The following PCSK6 variants were observed in gnomAD, a reference collection of about 807,000 sequenced individuals.
The protein encoded by PCSK6 is paired basic amino acid cleaving enzyme 4.
In PCSK6, 85 loss-of-function variants were observed where a neutral mutation model predicts 123.3. That is an observed-to-expected ratio of 0.69 (90% CI 0.58 to 0.83). The LOEUF (loss-of-function observed/expected upper bound fraction) is 0.83. Among genes scored for constraint, PCSK6 ranks in the 40% least tolerant of loss-of-function variants. The pLI is 0.00. For missense variants in PCSK6, 1,191 were observed against 1,282.3 expected (o/e 0.93, Z 1.09); for synonymous variants, 508 against 516.0 (o/e 0.98, Z 0.21).
chr15:101,316,910 G>GTTTTCTTTTTTTTTTTTTT (rs2040002199), intron 19 of PCSK6, among the ~76,000 whole-genome samples: 1 of 114,970 alleles, frequency 8.7e-6, no homozygotes, highest in African/African-American at 3.9e-5. Flanking sequence ...ACTTAATTCT[G>GTTTTCTTTTTTTTTTTTTT]TTTTTTTTTT....
At chr15:101,437,060 C>T (rs1242782613) in intron 2 of PCSK6, among the ~76,000 whole-genome samples, 1 of 152,212 alleles carries the variant, frequency 6.6e-6, no homozygotes. Context: ...CCGGCATGAG[C>T]ATGATGTCTT....
At chr15:101,399,297 C>T (rs768755353) in intron 6 of PCSK6, among the ~76,000 whole-genome samples, 5 of 152,148 alleles carry the variant, frequency 3.3e-5, no homozygotes, top group Admixed American at 6.5e-5. Flanking sequence ...AATTCCACTC[C>T]GACGTATAAC....
intron 1 of PCSK6, among the ~76,000 whole-genome samples, chr15:101,449,518 G>A (rs751508412): frequency 3.3e-5 from 5 of 152,168 alleles, no homozygotes; most frequent in African/African-American, 4.8e-5. Context: ...TAGGTCCTTG[G>A]TTTTCCCACA....
In PCSK6 at chr15:101,346,733, C is replaced by T. The variant is rs2040739655; in HGVS notation, c.1859-14702G>A. 3 of 1,224,458 alleles carry T rather than the reference C, an allele frequency of 2.5e-6. No homozygotes were observed. In the African/African-American group the frequency reaches 4.7e-5, roughly 19 times the overall value. The allele number at this position is 1,224,458 out of a possible 1,614,324, so 75.8% of individuals were successfully genotyped here. On this transcript the variant is annotated intron_variant, in intron 13 of 21. Transcript: ENST00000611716. ...CCCTCTTCCTCAGATCTGTCATTTT[C>T]ATTTTCATCAATGTTTAGTATTTTA...
chr15:101,396,276 T>A (rs2042409626), intron 7 of PCSK6, among the ~76,000 whole-genome samples: 1 of 152,026 alleles, frequency 6.6e-6, no homozygotes, highest in African/African-American at 2.4e-5. Flanking sequence ...TGCTCAGAAT[T>A]CCGAATGCAA....
chr15:101,375,966 G>A (rs759145532), intron 11 of PCSK6, among the ~76,000 whole-genome samples: 3 of 152,192 alleles, frequency 2.0e-5, no homozygotes, highest in Non-Finnish European at 2.9e-5. Flanking sequence ...CCTGGGAGGT[G>A]GAGGTTGCAG....
At chr15:101,319,971 C>T (rs2040078514) in intron 18 of PCSK6, among the ~76,000 whole-genome samples, 2 of 152,160 alleles carry the variant, frequency 1.3e-5, no homozygotes, top group Admixed American at 1.3e-4. Flanking sequence ...CTCAGAAGCA[C>T]AGGCTACCAT....
intron 6 of PCSK6, among the ~76,000 whole-genome samples, chr15:101,403,416 T>C (rs2042666506): frequency 9.9e-6 from 1 of 100,780 alleles, no homozygotes; most frequent in Non-Finnish European, 2.3e-5. Context: ...AAACTTAAAG[T>C]ATAATAATAA....
chr15:101,362,853 C>T (rs2041274061), intron 13 of PCSK6, among the ~76,000 whole-genome samples: 1 of 152,250 alleles, frequency 6.6e-6, no homozygotes, highest in Admixed American at 6.5e-5. Flanking sequence ...CCACTGCACC[C>T]TGTGGTCCCC....
intron 1 of PCSK6, among the ~76,000 whole-genome samples, chr15:101,460,998 GAGA>G (rs1187090475): frequency 1.3e-5 from 2 of 152,010 alleles, no homozygotes; most frequent in Non-Finnish European, 2.9e-5. Context: ...AAAAAAAAAT[GAGA>G]AGAAGGTAAT....
intron 1 of PCSK6, among the ~76,000 whole-genome samples, chr15:101,487,151 G>C (rs1248748071): frequency 2.6e-5 from 4 of 152,204 alleles, no homozygotes; most frequent in Non-Finnish European, 4.4e-5. Context: ...TGCACTTAGA[G>C]GGGGGAAAGA....
At chr15:101,397,994 T>G (rs2042465985) in intron 7 of PCSK6, among the ~76,000 whole-genome samples, 1 of 152,200 alleles carries the variant, frequency 6.6e-6, no homozygotes, top group Non-Finnish European at 1.5e-5. Context: ...CCGCGATGAA[T>G]GCACAGAGTT....
chr15:101,479,760 C>T (rs2057825038), intron 1 of PCSK6, among the ~76,000 whole-genome samples: 1 of 152,178 alleles, frequency 6.6e-6, no homozygotes, highest in Admixed American at 6.5e-5. Context: ...CAACACGAGG[C>T]AGCCCCTCCC....
chr15:101,466,358 A>G (rs2141221020), intron 1 of PCSK6, among the ~76,000 whole-genome samples: 1 of 152,248 alleles, frequency 6.6e-6, no homozygotes, highest in Admixed American at 6.5e-5. Context: ...GCATCATCAC[A>G]AGTGCTGATG....
intron 6 of PCSK6, among the ~76,000 whole-genome samples, chr15:101,416,567 C>T (rs1567205314): frequency 6.6e-6 from 1 of 152,216 alleles, no homozygotes; most frequent in Non-Finnish European, 1.5e-5. Context: ...GAAAATGTCT[C>T]CAGGCCATGT....
At chr15:101,357,515 A>G (rs1250366692) in intron 13 of PCSK6, among the ~76,000 whole-genome samples, 1 of 152,220 alleles carries the variant, frequency 6.6e-6, no homozygotes. Flanking sequence ...AACAGGCACT[A>G]TCAGCTTGAC....
intron 9 of PCSK6, among the ~76,000 whole-genome samples, chr15:101,387,536 C>G (rs1231850639): frequency 6.6e-6 from 1 of 152,202 alleles, no homozygotes; most frequent in Non-Finnish European, 1.5e-5. Context: ...AATAAAATCA[C>G]AAATATAACC....
At chr15:101,436,915 G>A (rs971740547) in intron 2 of PCSK6, among the ~76,000 whole-genome samples, 37 of 152,188 alleles carry the variant, frequency 2.4e-4, no homozygotes, top group African/African-American at 7.5e-4. Context: ...AATGTGCAAC[G>A]TGGCCCTTCT....
chr15:101,354,998 C>T (rs1391246700), intron 13 of PCSK6, among the ~76,000 whole-genome samples: 1 of 152,184 alleles, frequency 6.6e-6, no homozygotes, highest in Non-Finnish European at 1.5e-5. Context: ...CTGGAGAACA[C>T]GTAGGTGCTA....
Sources: gnomAD v4.1 joint callset for allele counts (sites outside exome capture counted in the v4.1 genomes callset) on GRCh38, gnomAD v4.1.1 for gene constraint, MANE v1.5 for transcripts, NCBI Gene and HGNC (gene_info 2026-07-23, HGNC 2026-07-21) for gene names.